TGIF1: variants seen among roughly 807,000 people sequenced by gnomAD.
The protein encoded by TGIF1 is TGFB induced factor homeobox 1, also known as homeobox protein TGIF1.
In TGIF1, 4 loss-of-function variants were observed where a neutral mutation model predicts 19.3. The observed-to-expected ratio is 0.21, with a 90% CI of 0.10 to 0.47. The LOEUF is 0.47. Among genes scored for constraint, TGIF1 ranks in the 20% least tolerant of loss-of-function variants. The pLI, the probability that TGIF1 is intolerant of heterozygous loss-of-function variation, is 0.98. For synonymous variants in TGIF1, 122 were observed against 129.3 expected (o/e 0.94, Z 0.38); for missense variants, 275 against 341.4 (o/e 0.81, Z 1.53).
intron 2 of TGIF1, among the ~76,000 whole-genome samples, chr18:3,432,642 T>C (rs1392760997): frequency 3.3e-5 from 5 of 152,218 alleles, no homozygotes; most frequent in African/African-American, 9.6e-5. Context: ...GAAACGATTA[T>C]ATGTAGTGTG....
chr18:3,449,995 C>A (rs1173993931), upstream of TGIF1: 13 of 989,032 alleles, frequency 1.3e-5, no homozygotes, highest in Non-Finnish European at 1.6e-5. Flanking sequence ...CCGGCCACCC[C>A]CCGCGTCCGC....
intron 2 of TGIF1, among the ~76,000 whole-genome samples, chr18:3,419,942 G>GT (rs1192775705): frequency 6.6e-6 from 1 of 151,910 alleles, no homozygotes; most frequent in African/African-American, 2.4e-5. Context: ...GGAGGCAGAG[G>GT]TTGCACTGAA....
At chr18:3,420,553 A>C (rs1568028126) in intron 2 of TGIF1, among the ~76,000 whole-genome samples, 1 of 152,366 alleles carries the variant, frequency 6.6e-6, no homozygotes, top group East Asian at 1.9e-4. Context: ...ATTAATTAAA[A>C]GACAGAGACT....
rs2082861499 is a variant in TGIF1, at chr18:3,450,243, G to A, written c.-247G>A. On this transcript the variant is annotated 5_prime_UTR_variant, in exon 1 of 3. Coordinates refer to ENST00000343820, the MANE Select transcript of TGIF1 (RefSeq NM_003244.4). ...AGCGGAGAGGGGAGGGGAGAGAGTT[G>A]GGCGAGGGAGAGCCCCCGGCCGGCT... 3 of 1,425,708 alleles carry A rather than the reference G, an allele frequency of 2.1e-6. No individual in the cohort carries two copies. The South Asian group carries it at 4.5e-5, about 21-fold the overall frequency. The allele number at this position is 1,425,708 out of a possible 1,614,324, so 88.3% of individuals were successfully genotyped here.
chr18:3,422,678 T>TTGTTTTTTG (rs1323518397), intron 2 of TGIF1, among the ~76,000 whole-genome samples: 1 of 28,052 alleles, frequency 3.6e-5, no homozygotes, highest in African/African-American at 7.1e-5. Context: ...GTGGCCTTTT[T>TTGTTTTTTG]TTTTTTTTTT....
intron 2 of TGIF1, among the ~76,000 whole-genome samples, chr18:3,433,592 G>T (rs1026161915): frequency 6.6e-6 from 1 of 152,172 alleles, no homozygotes; most frequent in African/African-American, 2.4e-5. Flanking sequence ...CTCCATGTTA[G>T]AATGAACTAG....
In TGIF1 at chr18:3,431,098, C is replaced by G. The variant is rs368695299; in HGVS notation, c.-45+12883C>G. Among the ~76,000 whole-genome samples the G allele has an allele frequency of 2.2e-4, 33 of 152,138 alleles. No homozygotes were observed. The East Asian group carries it at 3.9e-3, about 18-fold the overall frequency. On this transcript the variant is annotated intron_variant, in intron 2 of 3. Coordinates refer to the TGIF1 transcript ENST00000401449. ...GAGGTAAGTCGAAAGGATAAGGCAC[C>G]CAATTTGAGGAGCTCCCACTGGCCA...
Position 3,451,769 on chromosome 18 carries a change from G to C in TGIF1, c.16+1264G>C. On this transcript the variant is annotated intron_variant, in intron 1 of 2. Transcript: ENST00000343820. The surrounding 1 kb of genome is among the most constrained non-coding windows in gnomAD (Gnocchi z 5.4). Reference sequence around the variant, plus strand: ...TTGAAACTCGGATCAACTGGCAGTCGTTGTTGGTAGAACGCCCTAAGGACC... The same window carrying C: ...TTGAAACTCGGATCAACTGGCAGTCCTTGTTGGTAGAACGCCCTAAGGACC... The C allele has an allele frequency of 8.0e-7, 1 of 1,255,870 alleles. No homozygotes were observed. The highest frequency in any genetic ancestry group is 1.0e-6 in the Non-Finnish European group (1 of 1,001,202). 77.8% of individuals were successfully genotyped at this position (1,255,870 alleles called of 1,614,324 possible).
chr18:3,458,389 T>A lies in TGIF1; in HGVS notation c.*449T>A, dbSNP rs1188677622. 1 of 169,142 alleles carries A rather than the reference T, an allele frequency of 5.9e-6. No individual in the cohort carries two copies. Among genetic ancestry groups the A allele is most frequent in the African/African-American group, 2.4e-5 (1 of 41,460 alleles). 10.5% of individuals were successfully genotyped at this position (169,142 alleles called of 1,614,324 possible). On this transcript the variant is annotated 3_prime_UTR_variant, in exon 3 of 3. Transcript: ENST00000343820. The stretch of plus-strand genomic sequence containing the variant: ...GGTTGATGCCTTTTTTTTCATGACA[T>A]AATAAAGTATTTTCTTTAAAAATTG...
At chr18:3,424,881 A>G (rs759898541) in intron 2 of TGIF1, among the ~76,000 whole-genome samples, 1 of 152,130 alleles carries the variant, frequency 6.6e-6, no homozygotes, top group African/African-American at 2.4e-5. Flanking sequence ...ACCTTGCCCT[A>G]TGCATCTCTT....
Position 3,456,886 on chromosome 18 carries a change from G to T in TGIF1, c.243+306G>T. On this transcript the variant is annotated intron_variant, in intron 2 of 2. Transcript: ENST00000343820. The surrounding 1 kb of genome is among the most constrained non-coding windows in gnomAD (Gnocchi z 4.2). ...GAAACTGGTTTGATATTTAAACAAGGACGACTTCAGTGAGGTAATTCATGT... is the reference window on the plus strand; with the variant it reads ...GAAACTGGTTTGATATTTAAACAAGTACGACTTCAGTGAGGTAATTCATGT... 1.7e-6 allele frequency: 1 copy of T among 602,284 alleles called. No homozygotes were observed. Among genetic ancestry groups the T allele is most frequent in the Non-Finnish European group, 2.9e-6 (1 of 341,096 alleles). 37.3% of individuals were successfully genotyped at this position (602,284 alleles called of 1,614,324 possible).
intron 2 of TGIF1, among the ~76,000 whole-genome samples, chr18:3,428,291 A>G (rs2082499970): frequency 6.6e-6 from 1 of 152,162 alleles, no homozygotes; most frequent in Non-Finnish European, 1.5e-5. Flanking sequence ...ACCAAATGGG[A>G]GGTTCACAGG....
At chr18:3,419,263 G>T (rs543771274) in intron 2 of TGIF1, among the ~76,000 whole-genome samples, 122 of 152,252 alleles carry the variant, frequency 8.0e-4, no homozygotes, top group African/African-American at 2.8e-3. Context: ...TAGATTAAAT[G>T]ACAAAATTCA....
upstream of TGIF1, chr18:3,449,388 C>A: frequency 5.1e-6 from 5 of 985,358 alleles, no homozygotes; most frequent in Non-Finnish European, 6.0e-6. Flanking sequence ...CGCGCCCGGC[C>A]GTCCCCGGGC....
chr18:3,452,481 C>T lies in TGIF1; in HGVS notation c.16+1976C>T, dbSNP rs549676239. ...GGGTTTCTTTCCCCTTTTAGGTTTCCCTGGCGAGTCGTCTGGGGTGGGCAG... is the reference window on the plus strand; with the variant it reads ...GGGTTTCTTTCCCCTTTTAGGTTTCTCTGGCGAGTCGTCTGGGGTGGGCAG... On this transcript the variant is annotated intron_variant, in intron 1 of 2. Coordinates refer to ENST00000343820, the MANE Select transcript of TGIF1 (RefSeq NM_003244.4). 812 of 1,559,356 alleles carry T rather than the reference C, an allele frequency of 5.2e-4. 1 individual carries two copies. In the African/African-American group the frequency reaches 9.6e-3, roughly 18 times the overall value.
At chr18:3,425,958 C>G (rs1166677442) in intron 2 of TGIF1, among the ~76,000 whole-genome samples, 1 of 152,000 alleles carries the variant, frequency 6.6e-6, no homozygotes, top group Non-Finnish European at 1.5e-5. Flanking sequence ...GCACCATCCC[C>G]CTGCCCTGCC....
rs1225558813 is a variant in TGIF1 at position 3,459,665 on chromosome 18, A to G, written c.*1725A>G. ...GATGAGGGAAATGAGCAAGTCCTAA[A>G]AGGTTTGCCCTGTTACGGTGTTTCA... is the stretch of plus-strand genomic sequence containing the variant. On this transcript the variant is annotated 3_prime_UTR_variant, in exon 3 of 3. Transcript: ENST00000343820. The G allele has an allele frequency of 1.3e-5, 2 of 152,220 alleles. No individual in the cohort carries two copies. The highest frequency in any genetic ancestry group is 2.9e-5 in the Non-Finnish European group (2 of 68,030). 9.4% of individuals were successfully genotyped at this position (152,220 alleles called of 1,614,324 possible).
upstream of TGIF1, chr18:3,448,635 T>C (rs2082797267): frequency 1.0e-6 from 1 of 985,164 alleles, no homozygotes; most frequent in African/African-American, 1.7e-5. Context: ...TTTTCCCTGT[T>C]GATTCATTTT....
intron 1 of TGIF1, chr18:3,455,545 C>T (rs1320598458): frequency 6.6e-6 from 1 of 152,244 alleles, no homozygotes; most frequent in African/African-American, 2.4e-5. Flanking sequence ...AAACTGGTAG[C>T]TGAAATTTAG....
Sources: allele counts gnomAD v4.1 joint callset (sites outside exome capture counted in the v4.1 genomes callset), GRCh38; gene constraint gnomAD v4.1.1; non-coding constraint Gnocchi (gnomAD v3.1); transcripts MANE v1.5; gene names NCBI Gene and HGNC (gene_info 2026-07-23, HGNC 2026-07-21).